The following CR1 variants were observed in gnomAD, a reference collection of about 807,000 sequenced individuals.
CR1 encodes complement receptor type 1.
CR1 carries 116 observed loss-of-function variants against 187.3 expected under a neutral mutation model. The observed-to-expected ratio is 0.62, with a 90% CI of 0.53 to 0.72. The LOEUF (loss-of-function observed/expected upper bound fraction) is 0.72, where lower values mean the gene tolerates loss of function less well. CR1 is among the 30% of genes least tolerant of loss of function. The pLI is 0.00. For synonymous variants in CR1, 576 were observed against 747.1 expected (o/e 0.77, Z 3.73); for missense variants, 1,731 against 2,110.7 (o/e 0.82, Z 3.52).
At chr1:207,576,256 G>T (rs1660740298) in intron 28 of CR1, among the ~76,000 whole-genome samples, 1 of 152,340 alleles carries the variant, frequency 6.6e-6, no homozygotes, top group African/African-American at 2.4e-5. Flanking sequence ...TTCAAACCCA[G>T]TTGGTGGCAG....
intron 27 of CR1, among the ~76,000 whole-genome samples, chr1:207,575,107 CCT>C (rs1660699679): frequency 6.6e-6 from 1 of 151,776 alleles, no homozygotes; most frequent in East Asian, 1.9e-4. Context: ...TTGGTTTAAT[CCT>C]CTTGTTGAAA....
At chr1:207,567,322 A>G (rs1375787618) in intron 24 of CR1, among the ~76,000 whole-genome samples, 1 of 144,110 alleles carries the variant, frequency 6.9e-6, no homozygotes, top group Non-Finnish European at 1.5e-5. Flanking sequence ...TGACAGGGCT[A>G]TTGTTATCAC....
intron 4 of CR1, among the ~76,000 whole-genome samples, chr1:207,520,964 G>GGTT (rs1659969675): frequency 9.3e-6 from 1 of 107,796 alleles, no homozygotes; most frequent in South Asian, 2.8e-4. Flanking sequence ...TTTTTTTTTT[G>GGTT]GTTGTTTTTT....
At chr1:207,618,361 C>A in intron 42 of CR1, 114 bp downstream of exon 42, 1 of 927,248 alleles carries the variant, frequency 1.1e-6, no homozygotes, top group Non-Finnish European at 1.6e-6. Context: ...TTTTTTTCTT[C>A]TCGGCAACTG....
intron 4 of CR1, among the ~76,000 whole-genome samples, chr1:207,515,092 T>C (rs1659750324): frequency 9.5e-6 from 1 of 105,214 alleles, no homozygotes; most frequent in East Asian, 3.5e-4. Flanking sequence ...TACGTGTATG[T>C]ATATGTGTAT....
rs1477629536 is a variant in CR1, at chr1:207,639,441, A to G, written c.*32A>G. 1.4e-5 allele frequency: 23 copies of G among 1,587,508 alleles called. No individual in the cohort carries two copies. The highest frequency in any genetic ancestry group is 2.0e-5 in the Non-Finnish European group (23 of 1,164,962). On this transcript the variant is annotated 3_prime_UTR_variant, in exon 47 of 47. Transcript: ENST00000367049. ...ACTATACAGCTGAAGAACATCTCGA[A>G]TACAATTTTGGTGGGAAAGGAGCCA...
In CR1 at chr1:207,624,218, G is replaced by A. The variant is rs1662413251; in HGVS notation, c.7352+1150G>A. ...TGGGATTACAGGTGTGAGCCACTGG[G>A]CCCAGCCATCATTAATTTTTTAAAT... On this transcript the variant is annotated intron_variant, in intron 45 of 46. Transcript: ENST00000367049. Among the ~76,000 whole-genome samples the A allele has an allele frequency of 2.0e-5, 3 of 151,932 alleles. No homozygotes were observed. The South Asian group carries it at 6.2e-4, about 32-fold the overall frequency.
chr1:207,565,518 A>G (rs1335696906), intron 23 of CR1, among the ~76,000 whole-genome samples: 1 of 150,084 alleles, frequency 6.7e-6, no homozygotes, highest in Non-Finnish European at 1.5e-5. Context: ...AATAACAACA[A>G]TGAGTGATTT....
At chr1:207,609,010 C>A (rs1441725309) in intron 36 of CR1, among the ~76,000 whole-genome samples, 1 of 152,082 alleles carries the variant, frequency 6.6e-6, no homozygotes, top group Non-Finnish European at 1.5e-5. Context: ...CCTTAACAAT[C>A]TGTGATAAAA....
chr1:207,499,655 A>G (rs1248467103), intron 1 of CR1, among the ~76,000 whole-genome samples: 1 of 152,198 alleles, frequency 6.6e-6, no homozygotes, highest in Non-Finnish European at 1.5e-5. Flanking sequence ...ATTAAGCTTT[A>G]CCAGGCAGTG....
rs772663179 is a variant in CR1, at chr1:207,587,565, C to T, written c.5710C>T (p.Arg1904Ter). The T allele has an allele frequency of 1.2e-5, 19 of 1,612,292 alleles. No homozygotes were observed. The highest frequency in any genetic ancestry group is 4.4e-5 in the South Asian group (4 of 90,884). ...VWSSVEDNCR[R>*]KSCGPPPEPF... is the part of the protein sequence containing the mutation. ...GTCAAGTGTTGAAGACAACTGTAGA[C>T]GTGAGTAACCCCTCCCTGGGAACTA... Residue 1904 changes from arginine (R) to a stop codon, truncating the protein, a stop_gained and splice_region_variant, in exon 34 of 47, where the codon CGA becomes TGA. Coordinates refer to ENST00000367049, the MANE Select transcript of CR1 (RefSeq NM_000651.6). LOFTEE classifies it high-confidence loss of function.
At chr1:207,507,457 G>A (rs1659476096) in intron 3 of CR1, 1 of 152,240 alleles carries the variant, frequency 6.6e-6, no homozygotes, top group Admixed American at 6.6e-5. Context: ...GTCCTCACAT[G>A]CTGTTTTCCT....
intron 45 of CR1, 39 bp from the exon 46 acceptor site, chr1:207,630,478 G>A: frequency 7.6e-7 from 1 of 1,321,424 alleles, no homozygotes; most frequent in South Asian, 1.4e-5. Flanking sequence ...ATACTTAAAT[G>A]ATTAAGACAG....
intron 40 of CR1, among the ~76,000 whole-genome samples, chr1:207,615,923 T>C (rs1662077341): frequency 6.6e-6 from 1 of 152,234 alleles, no homozygotes; most frequent in Non-Finnish European, 1.5e-5. Context: ...CCTAAATTCA[T>C]ATCAAACTAG....
chr1:207,510,423 G>A (rs1036093328), intron 3 of CR1, among the ~76,000 whole-genome samples: 3 of 152,152 alleles, frequency 2.0e-5, no homozygotes, highest in Non-Finnish European at 2.9e-5. Context: ...TACTCATAAA[G>A]CAAAGTTCTC....
intron 40 of CR1, among the ~76,000 whole-genome samples, chr1:207,615,550 T>C (rs1418580349): frequency 2.0e-5 from 3 of 152,210 alleles, no homozygotes; most frequent in Admixed American, 1.3e-4. Context: ...AAGTACATGT[T>C]TGACATACCA....
At chr1:207,524,128 T>C in intron 5 of CR1, 119 bp downstream of exon 5, 1 of 1,587,210 alleles carries the variant, frequency 6.3e-7, no homozygotes, top group South Asian at 1.1e-5. Context: ...GAGCAAATTT[T>C]CTAGGTAGTG....
At chr1:207,517,321 C>CA (rs1411445751) in intron 4 of CR1, among the ~76,000 whole-genome samples, 2 of 151,956 alleles carry the variant, frequency 1.3e-5, no homozygotes, top group African/African-American at 4.8e-5. Context: ...TTTATTGTAA[C>CA]ATTGTAACAT....
chr1:207,605,732 T>TC (rs1661730735), intron 35 of CR1: 1 of 152,216 alleles, frequency 6.6e-6, no homozygotes, highest in Admixed American at 6.5e-5. Flanking sequence ...TCCTTTTCTT[T>TC]CCTTTCTCCA....
Sources: allele counts gnomAD v4.1 joint callset (sites outside exome capture counted in the v4.1 genomes callset), GRCh38; gene constraint gnomAD v4.1.1; transcripts MANE v1.5; gene names NCBI Gene and HGNC (gene_info 2026-07-23, HGNC 2026-07-21).